SCHIP1: variants seen among roughly 807,000 people sequenced by gnomAD.
SCHIP1 encodes schwannomin interacting protein 1.
SCHIP1 carries 8 observed loss-of-function variants against 29.7 expected under a neutral mutation model. That is an observed-to-expected ratio of 0.27 (90% CI 0.16 to 0.49). SCHIP1 has a LOEUF of 0.49. SCHIP1 is among the 20% of genes least tolerant of loss of function. The probability of loss-of-function intolerance (pLI) is 0.99; values close to 1 mark genes in which losing one functional copy is unlikely to be tolerated. For synonymous variants in SCHIP1, 76 were observed against 94.9 expected, an observed-to-expected ratio of 0.80 and a Z score of 1.16; for missense variants, 193 against 294.6, an observed-to-expected ratio of 0.66 and a Z score of 2.52.
At chr3:159,767,710 C>T in the SCHIP1 span, among the ~76,000 whole-genome samples, 4 of 152,276 alleles carry the variant, frequency 2.6e-5, no homozygotes, top group South Asian at 8.3e-4. Flanking sequence ...GGTTCCTTCT[C>T]ATCATTCCAG....
the SCHIP1 span, among the ~76,000 whole-genome samples, chr3:159,438,621 C>A: frequency 1.4e-3 from 216 of 152,228 alleles, no homozygotes; most frequent in African/African-American, 5.0e-3. Flanking sequence ...AGCTATTCTT[C>A]CTGATGTTCT....
intron 1 of SCHIP1, among the ~76,000 whole-genome samples, chr3:159,850,352 G>A (rs999870556): frequency 2.0e-5 from 3 of 152,110 alleles, no homozygotes; most frequent in East Asian, 1.9e-4. Context: ...TCAGGAGTTC[G>A]AGACCATCCT....
At chr3:159,336,137 G>T in the SCHIP1 span, among the ~76,000 whole-genome samples, 2 of 152,212 alleles carry the variant, frequency 1.3e-5, no homozygotes, top group African/African-American at 4.8e-5. Flanking sequence ...CTGCATAAAT[G>T]TCTTCTTTTG....
chr3:159,282,516 C>T, the SCHIP1 span: 4 of 151,478 alleles, frequency 2.6e-5, no homozygotes, highest in Non-Finnish European at 5.9e-5. Context: ...GTATCCCATT[C>T]ACCTATATAT....
the SCHIP1 span, among the ~76,000 whole-genome samples, chr3:159,770,147 G>T: frequency 6.6e-6 from 1 of 152,196 alleles, no homozygotes; most frequent in African/African-American, 2.4e-5. Context: ...TTGAACTCTT[G>T]CTGAGTAGTG....
chr3:159,278,163 C>A, the SCHIP1 span, among the ~76,000 whole-genome samples: 1 of 152,146 alleles, frequency 6.6e-6, no homozygotes, highest in Non-Finnish European at 1.5e-5. Flanking sequence ...GCAATAATTT[C>A]TTCATTCAAC....
chr3:159,881,115 G>A (rs1303091328), intron 2 of SCHIP1, among the ~76,000 whole-genome samples: 1 of 152,122 alleles, frequency 6.6e-6, no homozygotes, highest in South Asian at 2.1e-4. Flanking sequence ...ACCATCACAC[G>A]TGCAGTACAT....
chr3:159,740,757 T>C, the SCHIP1 span, among the ~76,000 whole-genome samples: 1 of 73,788 alleles, frequency 1.4e-5, no homozygotes, highest in Non-Finnish European at 2.4e-5. Flanking sequence ...CAGAATTGTA[T>C]ATTCAAAAAA....
chr3:159,805,794 G>T, the SCHIP1 span, among the ~76,000 whole-genome samples: 1 of 149,398 alleles, frequency 6.7e-6, no homozygotes, highest in Admixed American at 6.6e-5. Context: ...AGCTCTACCA[G>T]CTTAATTGTA....
chr3:159,495,979 A>C, the SCHIP1 span, among the ~76,000 whole-genome samples: 2 of 152,316 alleles, frequency 1.3e-5, no homozygotes, highest in Non-Finnish European at 2.9e-5. Flanking sequence ...TCTTTGACAA[A>C]CCTGAGAAAC....
At chr3:159,401,202 GC>G in the SCHIP1 span, 1 of 954,898 alleles carries the variant, frequency 1.0e-6, no homozygotes, top group East Asian at 1.1e-4. Flanking sequence ...ATAAATACAT[GC>G]TTTGTAATAA....
the SCHIP1 span, among the ~76,000 whole-genome samples, chr3:159,399,859 G>A: frequency 6.6e-6 from 1 of 152,100 alleles, no homozygotes; most frequent in Non-Finnish European, 1.5e-5. Context: ...TAAATTTTTT[G>A]TAGAGACAAG....
At chr3:159,586,990 A>C in the SCHIP1 span, among the ~76,000 whole-genome samples, 1 of 152,130 alleles carries the variant, frequency 6.6e-6, no homozygotes, top group Non-Finnish European at 1.5e-5. Flanking sequence ...GCTTCTCTCC[A>C]CACCTGGGAA....
chr3:159,695,468 A>C, the SCHIP1 span, among the ~76,000 whole-genome samples: 1 of 152,104 alleles, frequency 6.6e-6, no homozygotes. Flanking sequence ...TGACTCCTAG[A>C]ACCACTTAGC....
chr3:159,363,307 T>C, the SCHIP1 span, among the ~76,000 whole-genome samples: 1 of 152,160 alleles, frequency 6.6e-6, no homozygotes, highest in African/African-American at 2.4e-5. Flanking sequence ...AAATAAAAAA[T>C]AATCAAGAAC....
the SCHIP1 span, among the ~76,000 whole-genome samples, chr3:159,651,582 A>G: frequency 3.1e-4 from 47 of 152,300 alleles, no homozygotes; most frequent in East Asian, 7.9e-3. Context: ...TTTTGTTTCT[A>G]TAAGTGCACC....
chr3:159,765,296 G>A, the SCHIP1 span: 1 of 858,098 alleles, frequency 1.2e-6, no homozygotes, highest in Non-Finnish European at 1.7e-6. Context: ...CTGCTCCCCT[G>A]GGGATAAGGT....
At chr3:159,837,629 G>A (rs1229662728), upstream of SCHIP1, among the ~76,000 whole-genome samples, 1 of 151,964 alleles carries the variant, frequency 6.6e-6, no homozygotes. Context: ...GGGCTGAGGC[G>A]GAAGAATTGC....
At chr3:159,712,395 G>A in the SCHIP1 span, among the ~76,000 whole-genome samples, 1 of 152,168 alleles carries the variant, frequency 6.6e-6, no homozygotes. Flanking sequence ...ATTAATGGAT[G>A]GGCAGGCCAA....
Sources: gnomAD v4.1 joint callset for allele counts (sites outside exome capture counted in the v4.1 genomes callset) on GRCh38, gnomAD v4.1.1 for gene constraint, MANE v1.5 for transcripts, NCBI Gene and HGNC (gene_info 2026-07-23, HGNC 2026-07-21) for gene names.